Variants in ABL1 observed in about 807,000 individuals in gnomAD.
ABL1 encodes tyrosine-protein kinase ABL1.
A neutral mutation model predicts 94.7 loss-of-function variants in ABL1; 11 were observed. The ratio of observed to expected loss-of-function variants is 0.12; its 90% CI spans 0.07 to 0.19. The LOEUF is 0.19. Ranked by LOEUF, ABL1 falls within the 10% of genes least tolerant of loss-of-function variation. ABL1 has a pLI of 1.00. For synonymous variants in ABL1, 656 were observed against 622.4 expected (o/e 1.05, Z -0.80); for missense variants, 1,082 against 1,489.4 (o/e 0.73, Z 4.50).
chr9:130,792,186 A>G (rs1829917616), intron 1 of ABL1, among the ~76,000 whole-genome samples: 1 of 152,078 alleles, frequency 6.6e-6, no homozygotes, highest in South Asian at 2.1e-4. Context: ...GAGAAGGCCT[A>G]CCTTTTTCCC....
At chr9:130,762,014 G>A (rs948656242) in intron 1 of ABL1, among the ~76,000 whole-genome samples, 10 of 151,958 alleles carry the variant, frequency 6.6e-5, no homozygotes, top group African/African-American at 1.7e-4. Context: ...TTGCTGGCGC[G>A]TGCCTGTAAT....
At chr9:130,714,369 T>C in exon 1 of ABL1, 4 of 1,613,838 alleles carry the variant, frequency 2.5e-6, no homozygotes, top group Non-Finnish European at 3.4e-6. Flanking sequence ...AGGCCAAGCT[T>C]GCCTGCCCTG....
chr9:130,842,132 G>C (rs1212360949), intron 1 of ABL1, among the ~76,000 whole-genome samples: 1 of 152,088 alleles, frequency 6.6e-6, no homozygotes, highest in Non-Finnish European at 1.5e-5. Context: ...TACAGAGAGA[G>C]AATGAGTGAG....
intron 1 of ABL1, among the ~76,000 whole-genome samples, chr9:130,796,920 C>CAAAAAAA (rs10607745): frequency 0.022 from 1,338 of 60,682 alleles, 81 homozygotes; most frequent in African/African-American, 0.073. Flanking sequence ...AACTTCATCT[C>CAAAAAAA]AAAAAAAAAA....
chr9:130,754,076 G>A (rs1240294542), intron 1 of ABL1, among the ~76,000 whole-genome samples: 1 of 151,524 alleles, frequency 6.6e-6, no homozygotes, highest in Middle Eastern at 3.4e-3. Flanking sequence ...GGGTAGTGGC[G>A]TTGCCTATAA....
intron 3 of ABL1, among the ~76,000 whole-genome samples, chr9:130,858,666 T>G (rs1831014025): frequency 6.6e-6 from 1 of 152,134 alleles, no homozygotes; most frequent in Non-Finnish European, 1.5e-5. Context: ...CGCTGAAAAA[T>G]GCTGCTCACA....
In ABL1 at chr9:130,872,019, G is replaced by A; in HGVS notation, c.823-110G>A. 8.8e-6 allele frequency: 8 copies of A among 910,516 alleles called. No homozygotes were observed. The highest frequency in any genetic ancestry group is 1.6e-5 in the African/African-American group (1 of 61,062). The allele number at this position is 910,516 out of a possible 1,614,324, so 56.4% of individuals were successfully genotyped here. On this transcript the variant is annotated intron_variant, in intron 4 of 10. Coordinates refer to ENST00000318560, the MANE Select transcript of ABL1 (RefSeq NM_005157.6). The surrounding 1 kb of genome is among the most constrained non-coding windows in gnomAD (Gnocchi z 5.0). ...AGCAATGTGGCTGTCACAAAACGCAGCCCAGGACGAGTATGCGCTGAAGCT... is the reference window on the plus strand; with the variant it reads ...AGCAATGTGGCTGTCACAAAACGCAACCCAGGACGAGTATGCGCTGAAGCT...
intron 1 of ABL1, among the ~76,000 whole-genome samples, chr9:130,828,122 T>C (rs1337948611): frequency 6.6e-6 from 1 of 151,930 alleles, no homozygotes; most frequent in African/African-American, 2.4e-5. Flanking sequence ...ATGGTCTCTG[T>C]CACCCAGGCT....
chr9:130,870,569 G>A (rs1456067704), intron 4 of ABL1, among the ~76,000 whole-genome samples: 1 of 152,186 alleles, frequency 6.6e-6, no homozygotes, highest in East Asian at 1.9e-4. Flanking sequence ...TTTGACATTA[G>A]CATGTCACCC....
At chr9:130,875,904 T>G (rs1449566056) in intron 7 of ABL1, among the ~76,000 whole-genome samples, 1 of 152,202 alleles carries the variant, frequency 6.6e-6, no homozygotes, top group African/African-American at 2.4e-5. Context: ...CTTGGCTCAC[T>G]GCAACCTCTG....
At chr9:130,748,297 G>A (rs1831912459) in intron 1 of ABL1, among the ~76,000 whole-genome samples, 1 of 152,080 alleles carries the variant, frequency 6.6e-6, no homozygotes, top group Admixed American at 6.6e-5. Context: ...ATACAGTATG[G>A]TACAATAATC....
intron 1 of ABL1, chr9:130,724,747 T>TAAAA (rs34124679): frequency 3.3e-4 from 102 of 310,116 alleles, no homozygotes; most frequent in South Asian, 5.0e-4. Flanking sequence ...ACCCTGTCTT[T>TAAAA]AAAAAAAAAA....
intron 3 of ABL1, among the ~76,000 whole-genome samples, chr9:130,856,413 G>A (rs967037263): frequency 1.3e-5 from 2 of 152,056 alleles, no homozygotes; most frequent in Non-Finnish European, 2.9e-5. Flanking sequence ...GTAGAGACAG[G>A]GTCTCGCCAT....
intron 1 of ABL1, among the ~76,000 whole-genome samples, chr9:130,729,432 A>G (rs1040959141): frequency 4.6e-5 from 7 of 152,276 alleles, no homozygotes; most frequent in African/African-American, 1.7e-4. Flanking sequence ...TACCTGCCTC[A>G]GCATCCTCAA....
chr9:130,750,233 A>ATATC (rs1554759836), intron 1 of ABL1, among the ~76,000 whole-genome samples: 6 of 136,932 alleles, frequency 4.4e-5, no homozygotes, highest in East Asian at 4.1e-4. Flanking sequence ...ATATATATAT[A>ATATC]TATCCAAGTA....
At chr9:130,834,970 C>A, upstream of ABL1, 1 of 453,332 alleles carries the variant, frequency 2.2e-6, no homozygotes, top group South Asian at 1.6e-5. Context: ...TGGAGTTGCG[C>A]GCGGCTTCTA....
intron 1 of ABL1, among the ~76,000 whole-genome samples, chr9:130,735,458 G>T (rs1269105101): frequency 1.3e-5 from 2 of 150,792 alleles, no homozygotes; most frequent in African/African-American, 2.4e-5. Context: ...CTACTCCTCT[G>T]GAAAATTTTT....
chr9:130,851,169 A>G (rs1167257182), intron 1 of ABL1, among the ~76,000 whole-genome samples: 1 of 152,102 alleles, frequency 6.6e-6, no homozygotes, highest in East Asian at 1.9e-4. Flanking sequence ...CGGGGATCAC[A>G]TATTTTAATA....
Position 130,862,940 on chromosome 9 carries a change from A to T in ABL1, c.727A>T (p.Thr243Ser), listed in dbSNP as rs1158735330. 2 of 1,614,058 alleles carry T rather than the reference A, an allele frequency of 1.2e-6. No individual in the cohort carries two copies. The highest frequency in any genetic ancestry group is 1.7e-6 in the Non-Finnish European group (2 of 1,180,042). Reference protein sequence around the residue: ...DKWEMERTDITMKHKLGGGQY... With the variant: ...DKWEMERTDISMKHKLGGGQY... ...GTGGGAGATGGAACGCACGGACATCACCATGAAGCACAAGCTGGGCGGGGG... is the reference window on the plus strand; with the variant it reads ...GTGGGAGATGGAACGCACGGACATCTCCATGAAGCACAAGCTGGGCGGGGG... The change falls in exon 4 of 11, where the codon ACC becomes TCC. Residue 243 changes from threonine to serine, a missense_variant. Transcript: ENST00000318560. This position sits in a 1 kb window ranked among gnomAD's most constrained non-coding sequence, Gnocchi z 5.5.
Sources: gnomAD v4.1 joint callset for allele counts (sites outside exome capture counted in the v4.1 genomes callset) on GRCh38, gnomAD v4.1.1 for gene constraint, Gnocchi (gnomAD v3.1) non-coding constraint, MANE v1.5 for transcripts, NCBI Gene and HGNC (gene_info 2026-07-23, HGNC 2026-07-21) for gene names.